NOL4L: variants seen among roughly 807,000 people sequenced by gnomAD.
NOL4L encodes the protein nucleolar protein 4 like.
In NOL4L, 7 loss-of-function variants were observed where a neutral mutation model predicts 64.5. That is an observed-to-expected ratio of 0.11 (90% confidence interval 0.06 to 0.20). NOL4L has a LOEUF of 0.20. Ranked by LOEUF, NOL4L falls within the 10% of genes least tolerant of loss-of-function variation. The pLI, the probability that NOL4L is intolerant of heterozygous loss-of-function variation, is 1.00. For missense variants in NOL4L, 680 were observed against 967.1 expected, an observed-to-expected ratio of 0.70 and a Z score of 3.94; for synonymous variants, 413 against 401.0, an observed-to-expected ratio of 1.03 and a Z score of -0.36.
chr20:32,537,783 T>C (rs572053934), intron 1 of NOL4L, among the ~76,000 whole-genome samples: 21 of 148,948 alleles, frequency 1.4e-4, no homozygotes, highest in Non-Finnish European at 2.8e-4. Flanking sequence ...CGCGTTTCTT[T>C]TTTTTTTTTT....
At chr20:32,514,279 G>A (rs1409894089) in intron 3 of NOL4L, among the ~76,000 whole-genome samples, 1 of 152,036 alleles carries the variant, frequency 6.6e-6, no homozygotes, top group African/African-American at 2.4e-5. Context: ...ATCACCCGAG[G>A]TCAGGAGTTG....
At chr20:32,462,890 C>T (rs1004091669) in intron 5 of NOL4L, among the ~76,000 whole-genome samples, 2 of 59,946 alleles carry the variant, frequency 3.3e-5, no homozygotes, top group African/African-American at 5.9e-5. Context: ...GGCGACAAAG[C>T]GAGACTCTGT....
At chr20:32,546,192 G>A (rs575070872) in intron 1 of NOL4L, among the ~76,000 whole-genome samples, 26 of 152,010 alleles carry the variant, frequency 1.7e-4, no homozygotes, top group Non-Finnish European at 3.1e-4. Flanking sequence ...ATGACCTGCC[G>A]GCCTTGGCCT....
chr20:32,560,314 TGAG>T (rs1307949816), intron 1 of NOL4L, among the ~76,000 whole-genome samples: 9 of 152,148 alleles, frequency 5.9e-5, no homozygotes, highest in Non-Finnish European at 8.8e-5. Flanking sequence ...ACACTTAGGC[TGAG>T]GAGGGGAGCG....
In NOL4L at chr20:32,507,852, C is replaced by CA. The variant is rs201758827; in HGVS notation, c.699+3494dup. ...GTGAACCATGTCTCTACTAAAAATA[C>CA]AAAAAAAAAGTAGCCAGGCCTAGTG... On this transcript the variant is annotated intron_variant, in intron 4 of 10. Coordinates refer to ENST00000621426, the MANE Select transcript of NOL4L (RefSeq NM_001256798.2). 4.0e-3 allele frequency among the ~76,000 whole-genome samples: 595 copies of CA among 150,608 alleles called. 4 individuals carry two copies. The highest frequency in any genetic ancestry group is 0.014 in the African/African-American group (559 of 41,114).
intron 1 of NOL4L, among the ~76,000 whole-genome samples, chr20:32,581,164 C>G (rs1285258084): frequency 6.6e-6 from 1 of 152,212 alleles, no homozygotes; most frequent in East Asian, 1.9e-4. Context: ...CCGCCCTCCT[C>G]TCCTCCATAC....
intron 5 of NOL4L, among the ~76,000 whole-genome samples, chr20:32,457,624 T>G (rs2013675574): frequency 6.6e-6 from 1 of 152,186 alleles, no homozygotes; most frequent in African/African-American, 2.4e-5. Flanking sequence ...CTGCCCATCA[T>G]GCAGCCAGGC....
chr20:32,488,818 TTTCTTTCTTTTTC>T (rs2016282210), intron 4 of NOL4L, among the ~76,000 whole-genome samples: 2 of 17,420 alleles, frequency 1.1e-4, no homozygotes, highest in South Asian at 1.9e-3. Flanking sequence ...TCTTTCTTTC[TTTCTTTCTTTTTC>T]TTTCTTTCTT....
chr20:32,577,401 T>C (rs1980187393), intron 1 of NOL4L, among the ~76,000 whole-genome samples: 1 of 152,186 alleles, frequency 6.6e-6, no homozygotes, highest in Admixed American at 6.5e-5. Context: ...CTGGGAAGAA[T>C]TCAGAGGCAG....
intron 3 of NOL4L, among the ~76,000 whole-genome samples, chr20:32,513,170 A>G (rs924126429): frequency 4.6e-5 from 7 of 152,138 alleles, no homozygotes; most frequent in Non-Finnish European, 1.0e-4. Context: ...CAACTTCCAG[A>G]CCAAGTGCCC....
rs2014338946 is a variant in NOL4L at position 32,464,132 on chromosome 20, G to GCTA, written c.842-7740_842-7738dup. Among the ~76,000 whole-genome samples the GCTA allele has an allele frequency of 2.0e-5, 3 of 152,308 alleles. No individual in the cohort carries two copies. The South Asian group carries it at 6.2e-4, about 32-fold the overall frequency. ...TGGCCAGGGAGGCGTGGACAGTAGG[G>GCTA]CTATGGGCTGTGGTCTGGGGGTGCT... On this transcript the variant is annotated intron_variant, in intron 5 of 10. Transcript: ENST00000621426. This position sits in a 1 kb window ranked among gnomAD's most constrained non-coding sequence, Gnocchi z 5.6.
chr20:32,538,495 CTCCCTCCT>C (rs1299121579), intron 1 of NOL4L, among the ~76,000 whole-genome samples: 1 of 113,808 alleles, frequency 8.8e-6, no homozygotes, highest in Admixed American at 9.0e-5. Context: ...CCCTCCCTCC[CTCCCTCCT>C]CCTTCATGGC....
intron 4 of NOL4L, among the ~76,000 whole-genome samples, chr20:32,491,619 T>C (rs2016473765): frequency 6.6e-6 from 1 of 152,172 alleles, no homozygotes; most frequent in Non-Finnish European, 1.5e-5. Flanking sequence ...CTCTGAAGTC[T>C]TCGATAGAGC....
At chr20:32,523,643 A>C (rs1018251663) in intron 2 of NOL4L, among the ~76,000 whole-genome samples, 1 of 152,182 alleles carries the variant, frequency 6.6e-6, no homozygotes, top group Non-Finnish European at 1.5e-5. Context: ...GAAGCCCAAA[A>C]CATGAAACAG....
At chr20:32,458,057 A>C (rs2013719935) in intron 5 of NOL4L, among the ~76,000 whole-genome samples, 1 of 151,866 alleles carries the variant, frequency 6.6e-6, no homozygotes, top group Admixed American at 6.6e-5. Flanking sequence ...ACTTTCCTCC[A>C]CCCGGGAACC....
chr20:32,553,029 C>T (rs1288339752), intron 1 of NOL4L, among the ~76,000 whole-genome samples: 1 of 152,144 alleles, frequency 6.6e-6, no homozygotes, highest in African/African-American at 2.4e-5. Flanking sequence ...CCTGAGGAAT[C>T]CTACTTTACA....
intron 2 of NOL4L, among the ~76,000 whole-genome samples, chr20:32,527,101 G>A (rs868762107): frequency 1.2e-4 from 19 of 152,214 alleles, no homozygotes; most frequent in South Asian, 6.2e-4. Context: ...ACAGTCCCCC[G>A]GGCTCATCTG....
intron 1 of NOL4L, chr20:32,535,678 G>A: frequency 1.0e-6 from 1 of 985,484 alleles, no homozygotes; most frequent in Non-Finnish European, 1.2e-6. Flanking sequence ...ATTTGAGGAT[G>A]TCATCTCCTC....
intron 4 of NOL4L, among the ~76,000 whole-genome samples, chr20:32,494,236 G>A: frequency 1.7e-5 from 2 of 115,432 alleles, no homozygotes; most frequent in African/African-American, 3.5e-5. Flanking sequence ...CTGGGCCACA[G>A]AGTGAGATAA....
Sources: allele counts gnomAD v4.1 joint callset (sites outside exome capture counted in the v4.1 genomes callset), GRCh38; gene constraint gnomAD v4.1.1; non-coding constraint Gnocchi (gnomAD v3.1); transcripts MANE v1.5; gene names NCBI Gene and HGNC (gene_info 2026-07-23, HGNC 2026-07-21).